ZNF654: variants seen among roughly 807,000 people sequenced by gnomAD.
ZNF654 encodes melanoma-associated antigen.
A neutral mutation model predicts 95.3 loss-of-function variants in ZNF654; 19 were observed. That is an observed-to-expected ratio of 0.20 (90% CI 0.14 to 0.29). The LOEUF is 0.29. Ranked by LOEUF, ZNF654 falls within the 10% of genes least tolerant of loss-of-function variation. The pLI is 1.00. For missense variants in ZNF654, 1,046 were observed against 1,341.0 expected (o/e 0.78, Z 3.44); for synonymous variants, 413 against 457.9 (o/e 0.90, Z 1.25).
intron 2 of ZNF654, among the ~76,000 whole-genome samples, chr3:88,098,882 C>G (rs1389632475): frequency 6.6e-6 from 1 of 152,150 alleles, no homozygotes; most frequent in Non-Finnish European, 1.5e-5. Flanking sequence ...CAGTATCATA[C>G]TGAATGGGCA....
intron 6 of ZNF654, among the ~76,000 whole-genome samples, chr3:88,134,636 A>G (rs1706662876): frequency 6.6e-6 from 1 of 152,138 alleles, no homozygotes; most frequent in African/African-American, 2.4e-5. Context: ...TACTTTTGAT[A>G]TCTTAATAAA....
chr3:88,060,336 A>G (rs1222040005), intron 1 of ZNF654, among the ~76,000 whole-genome samples: 1 of 152,188 alleles, frequency 6.6e-6, no homozygotes, highest in Non-Finnish European at 1.5e-5. Flanking sequence ...GATGTTGTTC[A>G]AAGTGTTTGT....
chr3:88,089,013 TC>T (rs1708494970), intron 2 of ZNF654, among the ~76,000 whole-genome samples: 2 of 151,884 alleles, frequency 1.3e-5, no homozygotes, highest in South Asian at 4.2e-4. Flanking sequence ...CCTCAGATGA[TC>T]TACCCACCTC....
intron 6 of ZNF654, among the ~76,000 whole-genome samples, chr3:88,132,494 T>C (rs553742016): frequency 4.6e-5 from 7 of 152,226 alleles, no homozygotes; most frequent in Non-Finnish European, 1.0e-4. Flanking sequence ...AGGATTTTTT[T>C]GTTGTTGGTT....
chr3:88,085,434 C>G (rs1708289490), intron 1 of ZNF654, among the ~76,000 whole-genome samples: 1 of 151,636 alleles, frequency 6.6e-6, no homozygotes, highest in Admixed American at 6.6e-5. Flanking sequence ...GATTTTTTTT[C>G]CAACCACTTA....
intron 2 of ZNF654, among the ~76,000 whole-genome samples, chr3:88,102,724 G>A (rs1189925985): frequency 6.6e-6 from 1 of 150,452 alleles, no homozygotes; most frequent in African/African-American, 2.4e-5. Flanking sequence ...ACTTCTAACC[G>A]GTTTTACTCA....
intron 2 of ZNF654, among the ~76,000 whole-genome samples, chr3:88,089,191 T>TAAAA (rs11328694): frequency 7.6e-6 from 1 of 131,226 alleles, no homozygotes; most frequent in East Asian, 2.2e-4. Flanking sequence ...GCTTACGTAT[T>TAAAA]AAAAAAAAAA....
intron 1 of ZNF654, among the ~76,000 whole-genome samples, chr3:88,068,915 G>T (rs1707348928): frequency 6.6e-6 from 1 of 151,972 alleles, no homozygotes; most frequent in Non-Finnish European, 1.5e-5. Context: ...ACAATACATT[G>T]TATTGTATCT....
In ZNF654 at chr3:88,126,200, G is replaced by A; in HGVS notation, c.481G>A (p.Asp161Asn). ...NLELVTRIIRDGGPWEDPVLQ... is the reference protein window; with the variant it reads ...NLELVTRIIRNGGPWEDPVLQ... ...GGAACTGGTGACTCGAATCATTAGA[G>A]ATGGTGGCCCATGGGAAGATCCAGT... The change falls in exon 4 of 9, where the codon GAT becomes AAT. Residue 161 changes from aspartate (D) to asparagine (N), a missense_variant. By Grantham distance (23) the Asp-to-Asn change is conservative. Around this residue, in one of 9 missense-constraint regions of ZNF654, gnomAD observed 91 missense variants for 190.5 expected, o/e 0.48. Transcript: ENST00000636215. The A allele has an allele frequency of 6.5e-7, 1 of 1,531,368 alleles. No homozygotes were observed. Among genetic ancestry groups the A allele is most frequent in the East Asian group, 2.4e-5 (1 of 40,846 alleles). The allele number at this position is 1,531,368 out of a possible 1,614,324, so 94.9% of individuals were successfully genotyped here. A position where few individuals can be genotyped will look rare whatever the true frequency, so the allele number is the denominator to read the frequency against.
intron 1 of ZNF654, among the ~76,000 whole-genome samples, chr3:88,068,618 C>T (rs937364500): frequency 2.0e-5 from 3 of 152,058 alleles, no homozygotes; most frequent in African/African-American, 7.2e-5. Context: ...TATCTGGAAG[C>T]TATTATTGGA....
intron 3 of ZNF654, among the ~76,000 whole-genome samples, chr3:88,118,934 G>T (rs1484433618): frequency 6.7e-6 from 1 of 149,540 alleles, no homozygotes; most frequent in Non-Finnish European, 1.5e-5. Context: ...TACACTGTTG[G>T]TGGGACTGTA....
chr3:88,135,865 A>G (rs1437862588), intron 7 of ZNF654, among the ~76,000 whole-genome samples: 1 of 152,140 alleles, frequency 6.6e-6, no homozygotes, highest in Admixed American at 6.5e-5. Flanking sequence ...TAGCACCATT[A>G]AACTGAATCT....
chr3:88,140,276 T>C lies in ZNF654; in HGVS notation c.2607T>C (p.Tyr869=). ...TGTATGAACATGAAGCTCAACACTATTTAAGTAAAACACCAGAGTCATCTG... is the reference window on the plus strand; with the variant it reads ...TGTATGAACATGAAGCTCAACACTACTTAAGTAAAACACCAGAGTCATCTG... ...PLLYEHEAQH[Y]LSKTPESSAQ... Residue 869 remains tyrosine, a synonymous_variant, in exon 8 of 9, where the codon TAT becomes TAC. Transcript: ENST00000636215. The C allele has an allele frequency of 6.2e-7, 1 of 1,613,766 alleles. No individual in the cohort carries two copies. The highest frequency in any genetic ancestry group is 8.5e-7 in the Non-Finnish European group (1 of 1,179,772).
intron 3 of ZNF654, among the ~76,000 whole-genome samples, chr3:88,118,179 A>G (rs1293644607): frequency 6.6e-6 from 1 of 152,142 alleles, no homozygotes; most frequent in Non-Finnish European, 1.5e-5. Context: ...AAGCCAGTAT[A>G]TAAGTCGCAA....
At chr3:88,120,232 C>A (rs1705686298) in intron 3 of ZNF654, among the ~76,000 whole-genome samples, 1 of 152,088 alleles carries the variant, frequency 6.6e-6, no homozygotes, top group South Asian at 2.1e-4. Flanking sequence ...GAATGAGGGC[C>A]TAAGTCTTAC....
At chr3:88,135,989 T>C (rs1211741717) in intron 7 of ZNF654, among the ~76,000 whole-genome samples, 2 of 152,158 alleles carry the variant, frequency 1.3e-5, no homozygotes, top group African/African-American at 4.8e-5. Context: ...ATTAGATGTA[T>C]GATCATGTAG....
intron 7 of ZNF654, 170 bp downstream of exon 7, chr3:88,135,372 A>T (rs1271096163): frequency 2.4e-6 from 1 of 421,148 alleles, no homozygotes; most frequent in African/African-American, 2.0e-5. Flanking sequence ...AACTCTCAAC[A>T]TGGGAGGCTG....
chr3:88,141,672 T>C lies in ZNF654; in HGVS notation c.*20T>C. On this transcript the variant is annotated 3_prime_UTR_variant, in exon 9 of 9. Coordinates refer to ENST00000636215, the MANE Select transcript of ZNF654 (RefSeq NM_001350134.2). ...GCCTGATGAAAACGGTTCAGAAAGA[T>C]CTGTCAATCAAGCAGTAGTGTGAAA... The C allele has an allele frequency of 4.0e-6, 6 of 1,502,096 alleles. No homozygotes were observed. The highest frequency in any genetic ancestry group is 5.4e-6 in the Non-Finnish European group (6 of 1,110,672). 93.0% of individuals were successfully genotyped at this position (1,502,096 alleles called of 1,614,324 possible). A position where few individuals can be genotyped will look rare whatever the true frequency, so the allele number is the denominator to read the frequency against.
At chr3:88,081,855 G>C (rs1343895121) in intron 1 of ZNF654, among the ~76,000 whole-genome samples, 1 of 152,164 alleles carries the variant, frequency 6.6e-6, no homozygotes, top group East Asian at 1.9e-4. Flanking sequence ...TGTTGCTGTA[G>C]AGTCATTGCT....
Sources: allele counts gnomAD v4.1 joint callset (sites outside exome capture counted in the v4.1 genomes callset), GRCh38; gene constraint gnomAD v4.1.1; regional missense constraint gnomAD v4.1.1; transcripts MANE v1.5; gene names NCBI Gene and HGNC (gene_info 2026-07-23, HGNC 2026-07-21).